The following XRCC2 variants were observed in gnomAD, a reference collection of about 807,000 sequenced individuals.
XRCC2 encodes DNA repair protein XRCC2.
Under a neutral mutation model 27.3 loss-of-function variants are expected in XRCC2, and 24 were observed. The ratio of observed to expected loss-of-function variants is 0.88; its 90% CI spans 0.64 to 1.24. The LOEUF (loss-of-function observed/expected upper bound fraction) is 1.24, where lower values mean the gene tolerates loss of function less well. Ranked by LOEUF, XRCC2 falls within the 50% of genes most tolerant of loss-of-function variation. The probability of loss-of-function intolerance (pLI) is 0.00; values close to 1 mark genes in which losing one functional copy is unlikely to be tolerated. For synonymous variants in XRCC2, 106 were observed against 115.4 expected, an observed-to-expected ratio of 0.92 and a Z score of 0.52; for missense variants, 321 against 325.8, an observed-to-expected ratio of 0.99 and a Z score of 0.11.
intron 1 of XRCC2, among the ~76,000 whole-genome samples, chr7:152,667,453 C>T (rs1235920120): frequency 4.2e-5 from 6 of 141,486 alleles, no homozygotes; most frequent in Admixed American, 7.1e-5. Context: ...ATTTTATTGA[C>T]GGGACTCTTT....
In XRCC2 at chr7:152,648,774, G is replaced by C; in HGVS notation, c.711C>G (p.His237Gln). The change falls in exon 3 of 3, where the codon CAC becomes CAG. Residue 237 changes from histidine to glutamine, a missense_variant. Coordinates refer to ENST00000359321, the MANE Select transcript of XRCC2 (RefSeq NM_005431.2). ...LCKAWQQLVK[H>Q]RMFFSKQDDS... ...CATCTTGTTTGGAGAAAAACATCCT[G>C]TGCTTCACCAGTTGCTGCCATGCCT... The C allele has an allele frequency of 6.2e-7, 1 of 1,614,170 alleles. No homozygotes were observed.
At chr7:152,676,011 C>G (rs751787818) in intron 1 of XRCC2, 30 bp downstream of exon 1, 12 of 1,613,442 alleles carry the variant, frequency 7.4e-6, no homozygotes, top group Non-Finnish European at 8.5e-6. Context: ...TTGTTCCCAT[C>G]TCCCTCACTC....
chr7:152,660,787 TAAAAG>T lies in XRCC2; in HGVS notation c.40-10_40-6del. The T allele has an allele frequency of 1.9e-6, 3 of 1,603,114 alleles. No individual in the cohort carries two copies. The highest frequency in any genetic ancestry group is 2.2e-5 in the East Asian group (1 of 44,798). ...ACCTTCAAGTCGGGCAAGGAGCTTATAAAAGAAGAGAGAAGGAAAACTCATTATTT... is the reference window on the plus strand; with the variant it reads ...ACCTTCAAGTCGGGCAAGGAGCTTATAAGAGAGAAGGAAAACTCATTATTT... On this transcript the variant is annotated splice_region_variant and splice_polypyrimidine_tract_variant and intron_variant, in intron 1 of 2. Coordinates refer to ENST00000359321, the MANE Select transcript of XRCC2 (RefSeq NM_005431.2).
Position 152,675,945 on chromosome 7 carries a change from G to GC in XRCC2, c.39+95dup. 3.2e-6 allele frequency: 5 copies of GC among 1,546,000 alleles called. No homozygotes were observed. The South Asian group carries it at 5.6e-5, about 17-fold the overall frequency. On this transcript the variant is annotated intron_variant, in intron 1 of 2. Transcript: ENST00000359321. ...GGTCCCAGCCCGGCCAGGCCGCGCCGCCCCAAGCCTCCCAATCCCCCGGGT... is the reference window on the plus strand; with the variant it reads ...GGTCCCAGCCCGGCCAGGCCGCGCCGCCCCCAAGCCTCCCAATCCCCCGGGT...
intron 1 of XRCC2, 96 bp downstream of exon 1, chr7:152,675,945 G>T: frequency 6.5e-7 from 1 of 1,546,000 alleles, no homozygotes; most frequent in Non-Finnish European, 8.9e-7. Flanking sequence ...AGGCCGCGCC[G>T]CCCCAAGCCT....
At chr7:152,654,717 A>C (rs950034799) in intron 2 of XRCC2, among the ~76,000 whole-genome samples, 7 of 151,524 alleles carry the variant, frequency 4.6e-5, no homozygotes, top group Non-Finnish European at 3.0e-5. Flanking sequence ...CGACGAGTGA[A>C]ACTGAGGCAA....
chr7:152,671,325 T>G (rs925715911), intron 1 of XRCC2, among the ~76,000 whole-genome samples: 1 of 152,190 alleles, frequency 6.6e-6, no homozygotes, highest in African/African-American at 2.4e-5. Context: ...TGCTAACATT[T>G]TGCCAAATTG....
intron 2 of XRCC2, among the ~76,000 whole-genome samples, chr7:152,656,649 A>G (rs2098030807): frequency 6.6e-6 from 1 of 152,190 alleles, no homozygotes; most frequent in Non-Finnish European, 1.5e-5. Context: ...CGTTTCTATA[A>G]TATAATATTC....
In XRCC2 at chr7:152,645,026, A is replaced by C. The variant is rs1299168307; in HGVS notation, c.*3616T>G. ...AGAATAGTTTTTATATTTTATTTTC[A>C]CATTGAAAATCAGTAAGATTTGCTT... On this transcript the variant is annotated 3_prime_UTR_variant, in exon 3 of 3. Transcript: ENST00000359321. 1 of 152,144 alleles carries C rather than the reference A, an allele frequency of 6.6e-6. No individual in the cohort carries two copies. Among genetic ancestry groups the C allele is most frequent in the East Asian group, 1.9e-4 (1 of 5,198 alleles). The allele number at this position is 152,144 out of a possible 1,614,324, so 9.4% of individuals were successfully genotyped here. A position where few individuals can be genotyped will look rare whatever the true frequency, so the allele number is the denominator to read the frequency against.
intron 2 of XRCC2, among the ~76,000 whole-genome samples, chr7:152,657,961 T>TTTTTTTTTGC (rs368246916): frequency 8.0e-6 from 1 of 125,288 alleles, no homozygotes; most frequent in African/African-American, 3.8e-5. Flanking sequence ...TTTGTCTTTG[T>TTTTTTTTTGC]TTTTTTTTTT....
At chr7:152,653,643 G>A (rs1040834477) in intron 2 of XRCC2, among the ~76,000 whole-genome samples, 3 of 146,896 alleles carry the variant, frequency 2.0e-5, no homozygotes, top group Non-Finnish European at 4.5e-5. Flanking sequence ...TATTTTTTTT[G>A]TAGAGATGGA....
rs1017841876 is a variant in XRCC2, at chr7:152,646,547, G to T, written c.*2095C>A. Reference sequence around the variant, plus strand: ...GCGGGAGTGCAATGGCGCGATCTCAGCTCACTGCAACCTCCACCTCCTGGG... The same window carrying T: ...GCGGGAGTGCAATGGCGCGATCTCATCTCACTGCAACCTCCACCTCCTGGG... On this transcript the variant is annotated 3_prime_UTR_variant, in exon 3 of 3. Coordinates refer to ENST00000359321, the MANE Select transcript of XRCC2 (RefSeq NM_005431.2). 6.6e-6 allele frequency: 1 copy of T among 152,352 alleles called. No individual in the cohort carries two copies. The highest frequency in any genetic ancestry group is 1.5e-5 in the Non-Finnish European group (1 of 68,172). 9.4% of individuals were successfully genotyped at this position (152,352 alleles called of 1,614,324 possible).
Position 152,647,543 on chromosome 7 carries a change from G to A in XRCC2, c.*1099C>T, listed in dbSNP as rs2098026566. 6.6e-6 allele frequency: 1 copy of A among 151,606 alleles called. No homozygotes were observed. Among genetic ancestry groups the A allele is most frequent in the Admixed American group, 6.6e-5 (1 of 15,240 alleles). 9.4% of individuals were successfully genotyped at this position (151,606 alleles called of 1,614,324 possible). On this transcript the variant is annotated 3_prime_UTR_variant, in exon 3 of 3. Coordinates refer to ENST00000359321, the MANE Select transcript of XRCC2 (RefSeq NM_005431.2). The stretch of plus-strand genomic sequence containing the variant: ...TTTACTGTTTTGGGTTTTACATTAA[G>A]TCTTTAATCCATCTTGAGTTAATTT...
chr7:152,660,680 T>C lies in XRCC2; in HGVS notation c.121+21A>G, dbSNP rs183715426. 7.0e-5 allele frequency: 111 copies of C among 1,590,692 alleles called. No individual in the cohort carries two copies. In the East Asian group the frequency reaches 2.4e-3, roughly 35 times the overall value. On this transcript the variant is annotated intron_variant, in intron 2 of 2. Coordinates refer to ENST00000359321, the MANE Select transcript of XRCC2 (RefSeq NM_005431.2). The stretch of plus-strand genomic sequence containing the variant: ...TTTTATAAAGATTTGCATTTATTTA[T>C]ATAAAGGTTGTATTTTTTACCATGC...
Position 152,676,109 on chromosome 7 carries a change from C to G in XRCC2, c.-30G>C, listed in dbSNP as rs371060479. The G allele has an allele frequency of 3.7e-6, 6 of 1,613,486 alleles. No homozygotes were observed. The African/African-American group carries it at 6.7e-5, about 18-fold the overall frequency. On this transcript the variant is annotated 5_prime_UTR_variant, in exon 1 of 3. Transcript: ENST00000359321. ...CCGAAGGCTCGGCGCAGGAGAGACT[C>G]AACTTTCCCGCCACCAACGCCATTC... is the stretch of plus-strand genomic sequence containing the variant.
In XRCC2 at chr7:152,645,245, T is replaced by C. The variant is rs959060443; in HGVS notation, c.*3397A>G. The C allele has an allele frequency of 4.0e-5, 6 of 151,712 alleles. No individual in the cohort carries two copies. The highest frequency in any genetic ancestry group is 1.4e-4 in the African/African-American group (6 of 41,402). 9.4% of individuals were successfully genotyped at this position (151,712 alleles called of 1,614,324 possible). A position where few individuals can be genotyped will look rare whatever the true frequency, so the allele number is the denominator to read the frequency against. ...TATTTTTAGTTATGATTAAATATTATATATATTTAAAATTCCATTTTCTTT... is the reference window on the plus strand; with the variant it reads ...TATTTTTAGTTATGATTAAATATTACATATATTTAAAATTCCATTTTCTTT... On this transcript the variant is annotated 3_prime_UTR_variant, in exon 3 of 3. Transcript: ENST00000359321.
At position 152,646,823 on chromosome 7, in the gene XRCC2, TACC is replaced by T. The variant is rs1257363358; in HGVS notation, c.*1816_*1818del. ...TGTATAGTATTCCCTGGTGTGTATG[TACC>T]ACATTTTTTTAATCCAGTCTGTCAC... On this transcript the variant is annotated 3_prime_UTR_variant, in exon 3 of 3. Transcript: ENST00000359321. The T allele has an allele frequency of 6.6e-6, 1 of 152,216 alleles. No individual in the cohort carries two copies. Among genetic ancestry groups the T allele is most frequent in the African/African-American group, 2.4e-5 (1 of 41,440 alleles). 9.4% of individuals were successfully genotyped at this position (152,216 alleles called of 1,614,324 possible). A position where few individuals can be genotyped will look rare whatever the true frequency, so the allele number is the denominator to read the frequency against.
At chr7:152,663,359 A>T (rs1274349363) in intron 1 of XRCC2, among the ~76,000 whole-genome samples, 1 of 100,760 alleles carries the variant, frequency 9.9e-6, no homozygotes, top group Admixed American at 9.2e-5. Flanking sequence ...AAAAAAAAAA[A>T]AAAAAAAAAA....
rs1694410128 is a variant in XRCC2, at chr7:152,645,712, T to C, written c.*2930A>G. 1 of 152,212 alleles carries C rather than the reference T, an allele frequency of 6.6e-6. No homozygotes were observed. Among genetic ancestry groups the C allele is most frequent in the South Asian group, 2.1e-4 (1 of 4,834 alleles). The allele number at this position is 152,212 out of a possible 1,614,324, so 9.4% of individuals were successfully genotyped here. Reference sequence around the variant, plus strand: ...AAAAGAGACACTTCTAATATTTCACTATTAACTAATGTTTACTGAGGGATT... The same window carrying C: ...AAAAGAGACACTTCTAATATTTCACCATTAACTAATGTTTACTGAGGGATT... On this transcript the variant is annotated 3_prime_UTR_variant, in exon 3 of 3. Transcript: ENST00000359321.
Sources: allele counts gnomAD v4.1 joint callset (sites outside exome capture counted in the v4.1 genomes callset), GRCh38; gene constraint gnomAD v4.1.1; transcripts MANE v1.5; gene names NCBI Gene and HGNC (gene_info 2026-07-23, HGNC 2026-07-21).